The following COL9A3 variants were observed in gnomAD, a reference collection of about 807,000 sequenced individuals.
COL9A3 encodes the protein collagen alpha-3(IX) chain.
A neutral mutation model predicts 110.2 loss-of-function variants in COL9A3; 82 were observed. The ratio of observed to expected loss-of-function variants is 0.74; its 90% confidence interval spans 0.62 to 0.89. The LOEUF is 0.89. Ranked by LOEUF, COL9A3 falls within the 40% of genes least tolerant of loss-of-function variation. The pLI is 0.00. For missense variants in COL9A3, 1,066 were observed against 981.3 expected (o/e 1.09, Z -1.15); for synonymous variants, 494 against 403.8 (o/e 1.22, Z -2.68).
chr20:62,828,268 AC>A (rs2063570102), intron 17 of COL9A3, among the ~76,000 whole-genome samples: 1 of 152,134 alleles, frequency 6.6e-6, no homozygotes, highest in Admixed American at 6.5e-5. Flanking sequence ...GGTCCCGGGC[AC>A]CCATGCGGGC....
At position 62,830,340 on chromosome 20, in the gene COL9A3, A is replaced by T; in HGVS notation, c.1162-20A>T. The stretch of plus-strand genomic sequence containing the variant: ...CTCGAACCCTGAGACATCCGCTCAC[A>T]CCTCACCTTTGTCTTCCAGGGGGCC... On this transcript the variant is annotated intron_variant, in intron 22 of 31. Coordinates refer to ENST00000649368, the MANE Select transcript of COL9A3 (RefSeq NM_001853.4). 6.4e-7 allele frequency: 1 copy of T among 1,564,388 alleles called. No individual in the cohort carries two copies. Among genetic ancestry groups the T allele is most frequent in the South Asian group, 1.2e-5 (1 of 85,342 alleles).
At chr20:62,822,493 G>C in intron 9 of COL9A3, 98 bp from the exon 10 acceptor site, 1 of 1,282,774 alleles carries the variant, frequency 7.8e-7, no homozygotes, top group Non-Finnish European at 1.1e-6. Flanking sequence ...CTGGTGGATG[G>C]GGAAGGTTGT....
chr20:62,824,418 G>C, intron 10 of COL9A3, 27 bp from the exon 11 acceptor site: 1 of 1,586,908 alleles, frequency 6.3e-7, no homozygotes, highest in Non-Finnish European at 8.6e-7. Flanking sequence ...TGGCTGGGAG[G>C]GGTCTGACTG....
intron 26 of COL9A3, 65 bp from the exon 27 acceptor site, chr20:62,835,856 A>G: frequency 6.5e-7 from 1 of 1,546,306 alleles, no homozygotes; most frequent in South Asian, 1.1e-5. Flanking sequence ...TTTTATCCTC[A>G]ACTGGCTACT....
In COL9A3 at chr20:62,837,091, G is replaced by A. The variant is rs1315747720; in HGVS notation, c.1612G>A (p.Ala538Thr). The A allele has an allele frequency of 6.2e-7, 1 of 1,613,112 alleles. No individual in the cohort carries two copies. Among genetic ancestry groups the A allele is most frequent in the East Asian group, 2.2e-5 (1 of 44,898 alleles). The change falls in exon 30 of 32, where the codon GCA (alanine) becomes ACA (threonine). Residue 538 changes from alanine (A) to threonine (T), a missense_variant. Ala to Thr is a moderately conservative substitution (Grantham distance 58). Transcript: ENST00000649368. ...LCGGMISEQIAQLAAHLRKPL... is the reference protein window; with the variant it reads ...LCGGMISEQITQLAAHLRKPL... ...CCCTTGTTTTCCCAAAGAACAAATT[G>A]CACAGTTAGCCGCGCACCTAAGGAA...
chr20:62,831,793 C>T (rs577958069), intron 24 of COL9A3: 61 of 361,506 alleles, frequency 1.7e-4, no homozygotes, highest in Non-Finnish European at 1.1e-5. Flanking sequence ...CCAGACATGT[C>T]CTCATTTCAC....
intron 1 of COL9A3, 105 bp downstream of exon 1, chr20:62,817,247 C>T: frequency 5.8e-6 from 5 of 856,192 alleles, no homozygotes; most frequent in Non-Finnish European, 7.7e-6. Flanking sequence ...GCCCCCAGCC[C>T]GTGTCGCCGT....
Position 62,819,806 on chromosome 20 carries a change from C to T in COL9A3, c.256-123C>T, listed in dbSNP as rs1991059081. 2.7e-5 allele frequency: 29 copies of T among 1,083,240 alleles called. No individual in the cohort carries two copies. In the South Asian group the frequency reaches 3.5e-4, roughly 13 times the overall value. The allele number at this position is 1,083,240 out of a possible 1,614,324, so 67.1% of individuals were successfully genotyped here. A position where few individuals can be genotyped will look rare whatever the true frequency, so the allele number is the denominator to read the frequency against. ...ACAGGGCCAAGAGAGGAGGCTGCCA[C>T]CCTAAGGGTCTTCTATGCCTCTCTG... On this transcript the variant is annotated intron_variant, in intron 4 of 31. Coordinates refer to ENST00000649368, the MANE Select transcript of COL9A3 (RefSeq NM_001853.4).
rs1568756264 is a variant in COL9A3, at chr20:62,827,993, G to A, written c.900+17G>A. ...GGAGAGCCGGTGAGTGCACGTGGCTGCTCATGGAATGCTCCTCCCCCGGGT... is the reference window on the plus strand; with the variant it reads ...GGAGAGCCGGTGAGTGCACGTGGCTACTCATGGAATGCTCCTCCCCCGGGT... On this transcript the variant is annotated intron_variant, in intron 17 of 31. Coordinates refer to ENST00000649368, the MANE Select transcript of COL9A3 (RefSeq NM_001853.4). 6.2e-7 allele frequency: 1 copy of A among 1,612,670 alleles called. No homozygotes were observed. Among genetic ancestry groups the A allele is most frequent in the African/African-American group, 1.3e-5 (1 of 75,044 alleles).
chr20:62,821,991 C>G (rs1262455639), intron 8 of COL9A3, 120 bp from the exon 9 acceptor site: 1 of 808,522 alleles, frequency 1.2e-6, no homozygotes, highest in African/African-American at 1.7e-5. Context: ...CAGACACCAG[C>G]ACAGTCCGTG....
In COL9A3 at chr20:62,821,178, C is replaced by T. The variant is rs2147199641; in HGVS notation, c.310-3C>T. On this transcript the variant is annotated splice_polypyrimidine_tract_variant and splice_region_variant and intron_variant, in intron 5 of 31. Transcript: ENST00000649368. ...AACCTAGACGCCTGCTTTCCTCCCA[C>T]AGGGAAGTCTGGGACCCCCGGGGCC... is the stretch of plus-strand genomic sequence containing the variant. 1.2e-6 allele frequency: 2 copies of T among 1,613,098 alleles called. No individual in the cohort carries two copies. The highest frequency in any genetic ancestry group is 2.2e-5 in the East Asian group (1 of 44,864).
intron 19 of COL9A3, among the ~76,000 whole-genome samples, chr20:62,829,239 G>C (rs2063577136): frequency 6.6e-6 from 1 of 152,220 alleles, no homozygotes; most frequent in East Asian, 1.9e-4. Context: ...ATGCCGTGCG[G>C]TCATCACCCC....
At position 62,829,725 on chromosome 20, in the gene COL9A3, G is replaced by C. The variant is rs746731048; in HGVS notation, c.1108-41G>C. ...CCAGACCCCTCCCCATCCAGCCTGT[G>C]TGCAGACCCTGCCCTGACACCCTCC... On this transcript the variant is annotated intron_variant, in intron 21 of 31. Coordinates refer to ENST00000649368, the MANE Select transcript of COL9A3 (RefSeq NM_001853.4). 7 of 1,598,018 alleles carry C rather than the reference G, an allele frequency of 4.4e-6. No individual in the cohort carries two copies. In the South Asian group the frequency reaches 7.9e-5, roughly 18 times the overall value.
At chr20:62,839,460 G>A (rs6062703) in intron 31 of COL9A3, among the ~76,000 whole-genome samples, 39,325 of 152,208 alleles carry the variant, frequency 0.26, 5,278 homozygotes, top group Middle Eastern at 0.33. Context: ...GCCATCCCCT[G>A]CCCGCCCCTG....
At chr20:62,832,323 T>C in intron 25 of COL9A3, 134 bp downstream of exon 25, 1 of 900,268 alleles carries the variant, frequency 1.1e-6, no homozygotes, top group Non-Finnish European at 1.8e-6. Context: ...TTGCCGTGTC[T>C]GTCAGTCGCC....
In COL9A3 at chr20:62,830,651, CA is replaced by C. The variant is rs2063588539; in HGVS notation, c.1287+64del. ...CCTCTACCCATGTACCACAGTCCCC[CA>C]CCCCCATGACAGTCCCCCAACCCCC... On this transcript the variant is annotated intron_variant, in intron 24 of 31. Coordinates refer to ENST00000649368, the MANE Select transcript of COL9A3 (RefSeq NM_001853.4). 9.5e-4 allele frequency: 580 copies of C among 609,430 alleles called. 1 individual carries two copies. The highest frequency in any genetic ancestry group is 2.4e-3 in the South Asian group (138 of 57,698). The allele number at this position is 609,430 out of a possible 1,614,324, so 37.8% of individuals were successfully genotyped here. A position where few individuals can be genotyped will look rare whatever the true frequency, so the allele number is the denominator to read the frequency against.
At chr20:62,821,328 C>T in intron 6 of COL9A3, 112 bp downstream of exon 6, 1 of 1,350,886 alleles carries the variant, frequency 7.4e-7, no homozygotes, top group Non-Finnish European at 1.0e-6. Context: ...GCCCTCTCAT[C>T]TGCAGCCTCT....
chr20:62,836,768 A>G lies in COL9A3; in HGVS notation c.1603+236A>G, dbSNP rs1193054481. On this transcript the variant is annotated intron_variant, in intron 29 of 31. Transcript: ENST00000649368. ...TTCAACCAGATTCCCAGCACGCAGC[A>G]GACGCCCTAAAGCCTGCTGAATGCA... 5.3e-5 allele frequency: 33 copies of G among 624,278 alleles called. No homozygotes were observed. The Admixed American group carries it at 9.6e-4, about 18-fold the overall frequency. 38.7% of individuals were successfully genotyped at this position (624,278 alleles called of 1,614,324 possible). A position where few individuals can be genotyped will look rare whatever the true frequency, so the allele number is the denominator to read the frequency against.
intron 16 of COL9A3, 34 bp from the exon 17 acceptor site, chr20:62,827,889 C>G (rs762842517): frequency 1.9e-6 from 3 of 1,609,844 alleles, no homozygotes; most frequent in Non-Finnish European, 2.5e-6. Flanking sequence ...TGGGAAGAGA[C>G]TGCCACTGCT....
Sources: gnomAD v4.1 joint callset for allele counts (sites outside exome capture counted in the v4.1 genomes callset) on GRCh38, gnomAD v4.1.1 for gene constraint, MANE v1.5 for transcripts, NCBI Gene and HGNC (gene_info 2026-07-23, HGNC 2026-07-21) for gene names.